The following REEP6 variants were observed in gnomAD, a reference collection of about 807,000 sequenced individuals.
REEP6 encodes receptor expression-enhancing protein 6.
Under a neutral mutation model 22.4 loss-of-function variants are expected in REEP6, and 19 were observed. The observed-to-expected ratio is 0.85, with a 90% confidence interval of 0.59 to 1.25. The LOEUF (loss-of-function observed/expected upper bound fraction) is 1.25. Ranked by LOEUF, REEP6 falls within the 50% of genes most tolerant of loss-of-function variation. The pLI, the probability that REEP6 is intolerant of heterozygous loss-of-function variation, is 0.00. For missense variants in REEP6, 273 were observed against 251.9 expected (o/e 1.08, Z -0.57); for synonymous variants, 121 against 113.6 (o/e 1.06, Z -0.41).
At chr19:1,493,230 C>T (rs2084981027) in intron 1 of REEP6, among the ~76,000 whole-genome samples, 1 of 152,158 alleles carries the variant, frequency 6.6e-6, no homozygotes, top group African/African-American at 2.4e-5. Flanking sequence ...GTCATTCCTC[C>T]CCACGAGCCA....
intron 2 of REEP6, 38 bp from the exon 3 acceptor site, chr19:1,495,431 C>T: frequency 6.2e-7 from 1 of 1,613,772 alleles, no homozygotes; most frequent in Non-Finnish European, 8.5e-7. Flanking sequence ...TCTGGGGGCT[C>T]CCTGGCAGCC....
At chr19:1,493,416 G>A (rs1028275476) in intron 1 of REEP6, among the ~76,000 whole-genome samples, 3 of 152,108 alleles carry the variant, frequency 2.0e-5, no homozygotes, top group African/African-American at 7.2e-5. Flanking sequence ...TTTGGATAAA[G>A]ACTAAAGCAG....
rs1449718104 is a variant in REEP6, at chr19:1,497,011, C to G, written c.518-163C>G. Among the ~76,000 whole-genome samples the G allele has an allele frequency of 6.6e-6, 1 of 152,146 alleles. No individual in the cohort carries two copies. The highest frequency in any genetic ancestry group is 2.4e-5 in the African/African-American group (1 of 41,422). On this transcript the variant is annotated intron_variant, in intron 4 of 4. Transcript: ENST00000233596. The surrounding 1 kb of genome is among the most constrained non-coding windows in gnomAD (Gnocchi z 6.5). Reference sequence around the variant, plus strand: ...TGTGCACCCATCTGTGCATGGGTGACCATGAAAGCCTCTGTGTGGTTGACA... The same window carrying G: ...TGTGCACCCATCTGTGCATGGGTGAGCATGAAAGCCTCTGTGTGGTTGACA...
At chr19:1,495,670 G>T (rs184789202) in intron 3 of REEP6, 63 bp downstream of exon 3, 22 of 1,601,956 alleles carry the variant, frequency 1.4e-5, no homozygotes, top group Non-Finnish European at 1.9e-5. Flanking sequence ...CCTGGGAGGC[G>T]CTGGGGCCAG....
At position 1,495,566 on chromosome 19, in the gene REEP6, G is replaced by A. The variant is rs778188773; in HGVS notation, c.307G>A (p.Asp103Asn). The change falls in exon 3 of 5, where the codon GAT (aspartate) becomes AAT (asparagine). Residue 103 changes from aspartate (D) to asparagine (N), a missense_variant. Coordinates refer to ENST00000233596, the MANE Select transcript of REEP6 (RefSeq NM_138393.4). The stretch of plus-strand genomic sequence containing the variant: ...GTTTGGGCTGGCCGAGTTCTTCAGC[G>A]ATCTACTCCTGTCCTGGTTCCCTTT... Reference protein sequence around the residue: ...ALFGLAEFFSDLLLSWFPFYY... With the variant: ...ALFGLAEFFSNLLLSWFPFYY... 18 of 1,613,980 alleles carry A rather than the reference G, an allele frequency of 1.1e-5. No homozygotes were observed. The highest frequency in any genetic ancestry group is 1.4e-5 in the Non-Finnish European group (16 of 1,180,026).
At position 1,497,627 on chromosome 19, in the gene REEP6, G is replaced by A. The variant is rs1162152477; in HGVS notation, c.*416G>A. The A allele has an allele frequency of 4.0e-6, 2 of 500,074 alleles. No individual in the cohort carries two copies. The highest frequency in any genetic ancestry group is 3.9e-5 in the African/African-American group (2 of 51,162). The allele number at this position is 500,074 out of a possible 1,614,324, so 31.0% of individuals were successfully genotyped here. ...CCAGCCCGGTCTCACCCATGGTCCA[G>A]TCTCCCAGCAGCAGCAACATCCCCA... On this transcript the variant is annotated 3_prime_UTR_variant, in exon 5 of 5. Transcript: ENST00000233596. This position sits in a 1 kb window ranked among gnomAD's most constrained non-coding sequence, Gnocchi z 6.5.
Position 1,491,224 on chromosome 19 carries a change from G to C in REEP6, c.-46G>C. ...GCGCGTGCAGCGGGGTGGGTGCCCT[G>C]GTCCGCGGGCGAGCTCGAGCAGCCA... On this transcript the variant is annotated 5_prime_UTR_variant, in exon 1 of 5. Transcript: ENST00000233596. This position sits in a 1 kb window ranked among gnomAD's most constrained non-coding sequence, Gnocchi z 5.4. 1 of 1,361,452 alleles carries C rather than the reference G, an allele frequency of 7.3e-7. No individual in the cohort carries two copies. The highest frequency in any genetic ancestry group is 3.1e-5 in the East Asian group (1 of 32,456). The allele number at this position is 1,361,452 out of a possible 1,614,324, so 84.3% of individuals were successfully genotyped here. A position where few individuals can be genotyped will look rare whatever the true frequency, so the allele number is the denominator to read the frequency against.
chr19:1,497,079 T>C lies in REEP6; in HGVS notation c.518-95T>C. ...GGCTGCCCGGCCCCTCGACTTGTCA[T>C]GCTCATAGCCAGTAGCCTCAGTCCC... On this transcript the variant is annotated intron_variant, in intron 4 of 4. Transcript: ENST00000233596. This position sits in a 1 kb window ranked among gnomAD's most constrained non-coding sequence, Gnocchi z 6.5. The C allele has an allele frequency of 1.9e-6, 2 of 1,066,946 alleles. No homozygotes were observed. Among genetic ancestry groups the C allele is most frequent in the Non-Finnish European group, 2.6e-6 (2 of 759,912 alleles). 66.1% of individuals were successfully genotyped at this position (1,066,946 alleles called of 1,614,324 possible). A position where few individuals can be genotyped will look rare whatever the true frequency, so the allele number is the denominator to read the frequency against.
rs779516619 is a variant in REEP6 at position 1,497,190 on chromosome 19, C to T, written c.534C>T (p.Thr178=). Reference sequence around the variant, plus strand: ...TCTCTGCAGTCAAGCCAAGCCAGACCCCGCAGCCGAAGGACAAGTGAAGCA... The same window carrying T: ...TCTCTGCAGTCAAGCCAAGCCAGACTCCGCAGCCGAAGGACAAGTGAAGCA... The part of the protein sequence containing the change: ...GITRNVKPSQ[T]PQPKDK Residue 178 remains threonine (T), a synonymous_variant, in exon 5 of 5, where the codon ACC becomes ACT. Transcript: ENST00000233596. The surrounding 1 kb of genome is among the most constrained non-coding windows in gnomAD (Gnocchi z 6.5). 8.0e-6 allele frequency: 12 copies of T among 1,502,654 alleles called. No homozygotes were observed. The highest frequency in any genetic ancestry group is 1.1e-5 in the Non-Finnish European group (12 of 1,126,986). The allele number at this position is 1,502,654 out of a possible 1,614,324, so 93.1% of individuals were successfully genotyped here.
In REEP6 at chr19:1,495,302, ACT is replaced by A. The variant is rs1388664420; in HGVS notation, c.127_128del (p.Leu43AlafsTer371). Reference protein sequence around the residue: ...EKRYLAAGAVTLLSLYLLFGY... With the variant: ...EKRYLAAGAVXLLSLYLLFGY... ...CCGCCTCTCTCCGGCAGGAGCCGTC[ACT>A]CTGCTAAGCCTGTATCTGCTGTTCG... On this transcript the variant is annotated frameshift_variant, in exon 2 of 5. Transcript: ENST00000233596. LOFTEE classifies it high-confidence loss of function. 4.3e-6 allele frequency: 7 copies of A among 1,612,502 alleles called. No homozygotes were observed. The highest frequency in any genetic ancestry group is 5.9e-6 in the Non-Finnish European group (7 of 1,179,978).
chr19:1,495,926 A>T (rs2085002758), intron 3 of REEP6: 2 of 531,680 alleles, frequency 3.8e-6, no homozygotes, highest in East Asian at 6.5e-5. Context: ...CTCAAATAGG[A>T]TGTCTGATGG....
At chr19:1,496,207 T>C (rs2085004584) in intron 3 of REEP6, 78 bp from the exon 4 acceptor site, 1 of 1,495,486 alleles carries the variant, frequency 6.7e-7, no homozygotes, top group Admixed American at 1.9e-5. Context: ...GGGCATCTGG[T>C]GGAGTGGTGC....
chr19:1,497,303 C>A lies in REEP6; in HGVS notation c.*92C>A. The stretch of plus-strand genomic sequence containing the variant: ...CCTCCACAGAGTCTTCAGCGCATCC[C>A]CCAACAGCAGCCCCTGCCAGTCCCT... On this transcript the variant is annotated 3_prime_UTR_variant, in exon 5 of 5. Coordinates refer to ENST00000233596, the MANE Select transcript of REEP6 (RefSeq NM_138393.4). The surrounding 1 kb of genome is among the most constrained non-coding windows in gnomAD (Gnocchi z 6.5). 8.4e-7 allele frequency: 1 copy of A among 1,186,368 alleles called. No homozygotes were observed. The highest frequency in any genetic ancestry group is 1.2e-6 in the Non-Finnish European group (1 of 813,996). The allele number at this position is 1,186,368 out of a possible 1,614,324, so 73.5% of individuals were successfully genotyped here. A position where few individuals can be genotyped will look rare whatever the true frequency, so the allele number is the denominator to read the frequency against.
rs1253134219 is a variant in REEP6 at position 1,491,777 on chromosome 19, G to A, written c.115+393G>A. On this transcript the variant is annotated intron_variant, in intron 1 of 4. Transcript: ENST00000233596. This position sits in a 1 kb window ranked among gnomAD's most constrained non-coding sequence, Gnocchi z 5.4. ...TAGAGATCTTCCCGTTTTTCTGAGG[G>A]GAGGCTCCTGGCGGGAAGGGGAACG... Among the ~76,000 whole-genome samples the A allele has an allele frequency of 6.6e-6, 1 of 152,126 alleles. No individual in the cohort carries two copies. Among genetic ancestry groups the A allele is most frequent in the Non-Finnish European group, 1.5e-5 (1 of 68,008 alleles).
At position 1,497,504 on chromosome 19, in the gene REEP6, C is replaced by T. The variant is rs964007298; in HGVS notation, c.*293C>T. 8 of 672,406 alleles carry T rather than the reference C, an allele frequency of 1.2e-5. No individual in the cohort carries two copies. Among genetic ancestry groups the T allele is most frequent in the South Asian group, 6.0e-5 (4 of 66,326 alleles). The allele number at this position is 672,406 out of a possible 1,614,324, so 41.7% of individuals were successfully genotyped here. ...AGCGTCGGGCACAGGGCAGCTCCCA[C>T]TGGTCTCGGCAACACACCCAGCCGC... On this transcript the variant is annotated 3_prime_UTR_variant, in exon 5 of 5. Transcript: ENST00000233596. This position sits in a 1 kb window ranked among gnomAD's most constrained non-coding sequence, Gnocchi z 6.5.
At chr19:1,495,194 G>A in intron 1 of REEP6, 100 bp from the exon 2 acceptor site, 1 of 1,123,660 alleles carries the variant, frequency 8.9e-7, no homozygotes, top group South Asian at 1.3e-5. Context: ...CTGGGAGGAG[G>A]TGACGGTTGC....
At chr19:1,492,062 C>T (rs2084957021) in intron 1 of REEP6, among the ~76,000 whole-genome samples, 1 of 152,322 alleles carries the variant, frequency 6.6e-6, no homozygotes, top group South Asian at 2.1e-4. Context: ...TTCCCCTTTC[C>T]AAATCTCTAG....
At chr19:1,495,035 C>T (rs1316956962) in intron 1 of REEP6, among the ~76,000 whole-genome samples, 4 of 152,186 alleles carry the variant, frequency 2.6e-5, no homozygotes, top group East Asian at 1.9e-4. Context: ...TGCCCAGCGT[C>T]GAGCTCCTGC....
At position 1,491,460 on chromosome 19, in the gene REEP6, C is replaced by T; in HGVS notation, c.115+76C>T. The stretch of plus-strand genomic sequence containing the variant: ...GGCCTGGGGGTCGCAGACCGGACTC[C>T]TTCCCCGGCTACGGGGTCCGGTCCG... On this transcript the variant is annotated intron_variant, in intron 1 of 4. Coordinates refer to ENST00000233596, the MANE Select transcript of REEP6 (RefSeq NM_138393.4). The surrounding 1 kb of genome is among the most constrained non-coding windows in gnomAD (Gnocchi z 5.4). The T allele has an allele frequency of 9.4e-7, 1 of 1,060,934 alleles. No homozygotes were observed. The highest frequency in any genetic ancestry group is 1.3e-6 in the Non-Finnish European group (1 of 792,524). The allele number at this position is 1,060,934 out of a possible 1,614,324, so 65.7% of individuals were successfully genotyped here. A position where few individuals can be genotyped will look rare whatever the true frequency, so the allele number is the denominator to read the frequency against.
Sources: gnomAD v4.1 joint callset for allele counts (sites outside exome capture counted in the v4.1 genomes callset) on GRCh38, gnomAD v4.1.1 for gene constraint, Gnocchi (gnomAD v3.1) non-coding constraint, MANE v1.5 for transcripts, NCBI Gene and HGNC (gene_info 2026-07-23, HGNC 2026-07-21) for gene names.